Variants in GMPR observed in about 807,000 individuals in gnomAD.
GMPR encodes the protein guanosine monophosphate reductase.
A neutral mutation model predicts 38.4 loss-of-function variants in GMPR; 31 were observed. The observed-to-expected ratio is 0.81, with a 90% confidence interval of 0.61 to 1.09. The LOEUF (loss-of-function observed/expected upper bound fraction) is 1.09, where lower values mean the gene tolerates loss of function less well. GMPR is among the 50% of genes least tolerant of loss of function. GMPR has a pLI of 0.00. For missense variants in GMPR, 468 were observed against 453.7 expected (o/e 1.03, Z -0.29); for synonymous variants, 162 against 173.3 (o/e 0.93, Z 0.51).
intron 1 of GMPR, among the ~76,000 whole-genome samples, chr6:16,243,072 C>T (rs1237797794): frequency 1.3e-5 from 2 of 150,044 alleles, no homozygotes; most frequent in South Asian, 2.1e-4. Context: ...ATTTTGGGGG[C>T]GGGGGGGAGA....
intron 3 of GMPR, among the ~76,000 whole-genome samples, chr6:16,252,264 A>AT (rs1029619641): frequency 1.2e-4 from 18 of 151,312 alleles, no homozygotes; most frequent in South Asian, 2.1e-4. Context: ...AACTTCTTTT[A>AT]TTTTTTTTGT....
chr6:16,261,659 A>T (rs1759088040), intron 4 of GMPR, among the ~76,000 whole-genome samples: 1 of 152,010 alleles, frequency 6.6e-6, no homozygotes, highest in African/African-American at 2.4e-5. Flanking sequence ...GAGAGTTTAT[A>T]GGCTTTAAAA....
chr6:16,259,724 G>A (rs1265313326), intron 4 of GMPR, among the ~76,000 whole-genome samples: 1 of 151,978 alleles, frequency 6.6e-6, no homozygotes, highest in Non-Finnish European at 1.5e-5. Flanking sequence ...AATAAGAGAA[G>A]GAGAAAAACA....
chr6:16,267,049 C>T (rs889176387), intron 4 of GMPR, among the ~76,000 whole-genome samples: 9 of 151,258 alleles, frequency 6.0e-5, no homozygotes, highest in Middle Eastern at 3.3e-3. Flanking sequence ...AAAGGTGGCA[C>T]GTCGGACGTG....
chr6:16,265,641 A>ACTGTGTCTAGCTAAAGCAGCG (rs1169602073), intron 4 of GMPR, among the ~76,000 whole-genome samples: 9 of 145,766 alleles, frequency 6.2e-5, no homozygotes, highest in Non-Finnish European at 9.4e-5. Flanking sequence ...CTAAAGCAGC[A>ACTGTGTCTAGCTAAAGCAGCG]CTGTGTCTAG....
At chr6:16,290,419 G>A (rs748537419) in intron 7 of GMPR, 43 bp from the exon 8 acceptor site, 14 of 1,595,506 alleles carry the variant, frequency 8.8e-6, no homozygotes, top group Middle Eastern at 3.3e-4. Context: ...CCCCTGAGCT[G>A]TTTTCTCTGC....
chr6:16,266,028 G>A (rs1424097969), intron 4 of GMPR, among the ~76,000 whole-genome samples: 1 of 151,788 alleles, frequency 6.6e-6, no homozygotes, highest in Non-Finnish European at 1.5e-5. Context: ...TGGCTTCACT[G>A]CTGAAGTCAG....
intron 6 of GMPR, 132 bp downstream of exon 6, chr6:16,279,022 C>G: frequency 1.6e-6 from 1 of 622,890 alleles, no homozygotes. Context: ...CGCTGACATT[C>G]AGCAGAAACA....
At chr6:16,285,674 G>T in intron 6 of GMPR, 119 bp from the exon 7 acceptor site, 1 of 777,792 alleles carries the variant, frequency 1.3e-6, no homozygotes, top group Non-Finnish European at 2.2e-6. Context: ...TTGGGCCCGT[G>T]GGCTTGCTGG....
rs937060543 is a variant in GMPR at position 16,295,456 on chromosome 6, C to G, written c.*270C>G. The G allele has an allele frequency of 1.2e-4, 42 of 345,070 alleles. No individual in the cohort carries two copies. Among genetic ancestry groups the G allele is most frequent in the African/African-American group, 8.4e-4 (40 of 47,678 alleles). The allele number at this position is 345,070 out of a possible 1,614,324, so 21.4% of individuals were successfully genotyped here. ...TTCAAACCAACACTTGCACCTTTCT[C>G]TTTTTCTCTTTCTCTCTCCCTTTCT... On this transcript the variant is annotated 3_prime_UTR_variant, in exon 9 of 9. Transcript: ENST00000259727.
intron 4 of GMPR, among the ~76,000 whole-genome samples, chr6:16,266,377 T>A (rs1237048060): frequency 9.8e-6 from 1 of 102,212 alleles, no homozygotes; most frequent in Non-Finnish European, 1.9e-5. Context: ...GTGAAAAAGG[T>A]GGCACGTCGG....
At position 16,295,038 on chromosome 6, in the gene GMPR, A is replaced by T; in HGVS notation, c.890A>T (p.Tyr297Phe). ...ASEGKTVEVP[Y>F]KGDVENTILD... ...GAGGGTAAGACTGTGGAAGTTCCTT[A>T]CAAAGGAGATGTGGAAAACACTATC... is the stretch of plus-strand genomic sequence containing the variant. The change falls in exon 9 of 9, where the codon TAC becomes TTC. Residue 297 changes from tyrosine to phenylalanine, a missense_variant. Tyr to Phe is a conservative substitution (Grantham distance 22, BLOSUM62 3). Coordinates refer to ENST00000259727, the MANE Select transcript of GMPR (RefSeq NM_006877.4). The T allele has an allele frequency of 6.2e-7, 1 of 1,609,836 alleles. No homozygotes were observed. The highest frequency in any genetic ancestry group is 8.5e-7 in the Non-Finnish European group (1 of 1,178,260).
intron 7 of GMPR, among the ~76,000 whole-genome samples, chr6:16,288,531 C>T (rs1337928252): frequency 6.6e-6 from 1 of 152,252 alleles, no homozygotes; most frequent in Non-Finnish European, 1.5e-5. Flanking sequence ...CATGGCTGAG[C>T]TTCCCCGCCC....
chr6:16,239,360 C>T (rs74777004), intron 1 of GMPR, among the ~76,000 whole-genome samples: 13,954 of 152,100 alleles, frequency 0.092, 842 homozygotes, highest in African/African-American at 0.16. Context: ...CCAGCCTAGC[C>T]CTGGAGAAGA....
rs567579733 is a variant in GMPR at position 16,295,524 on chromosome 6, T to C, written c.*338T>C. On this transcript the variant is annotated 3_prime_UTR_variant, in exon 9 of 9. Transcript: ENST00000259727. ...TTAAAAGAAGATGGTTTCACTTTAA[T>C]ATAATGCTATTATCTTAAGACTTAA... 1 of 195,834 alleles carries C rather than the reference T, an allele frequency of 5.1e-6. No homozygotes were observed. The highest frequency in any genetic ancestry group is 6.0e-5 in the Admixed American group (1 of 16,544). 12.1% of individuals were successfully genotyped at this position (195,834 alleles called of 1,614,324 possible). A position where few individuals can be genotyped will look rare whatever the true frequency, so the allele number is the denominator to read the frequency against.
At chr6:16,250,191 G>A in intron 2 of GMPR, 93 bp from the exon 3 acceptor site, 1 of 770,032 alleles carries the variant, frequency 1.3e-6, no homozygotes, top group Non-Finnish European at 2.4e-6. Flanking sequence ...GAACACTGAT[G>A]CCTTTGTCTT....
At chr6:16,240,425 T>TTGGAAG (rs1561817032) in intron 1 of GMPR, among the ~76,000 whole-genome samples, 1 of 152,126 alleles carries the variant, frequency 6.6e-6, no homozygotes. Flanking sequence ...TCCCAGCTAT[T>TTGGAAG]TGGAAGGCTG....
Position 16,293,954 on chromosome 6 carries a change from CAT to C in GMPR, c.858-1051_858-1050del, listed in dbSNP as rs796510773. Among the ~76,000 whole-genome samples the C allele has an allele frequency of 1.1e-4, 17 of 152,298 alleles. 1 individual carries two copies. Among genetic ancestry groups the C allele is most frequent in the African/African-American group, 3.4e-4 (14 of 41,562 alleles). On this transcript the variant is annotated intron_variant, in intron 8 of 8. Transcript: ENST00000259727. ...TAATACACACATCTGGTAATATACA[CAT>C]GTGTAATATACACATATTCTGGTAA...
chr6:16,289,779 G>A (rs1001224903), intron 7 of GMPR, among the ~76,000 whole-genome samples: 4 of 151,126 alleles, frequency 2.6e-5, no homozygotes, highest in Admixed American at 6.6e-5. Context: ...AGACACCTGA[G>A]GGGGTATCAT....
Sources: gnomAD v4.1 joint callset for allele counts (sites outside exome capture counted in the v4.1 genomes callset) on GRCh38, gnomAD v4.1.1 for gene constraint, MANE v1.5 for transcripts, NCBI Gene and HGNC (gene_info 2026-07-23, HGNC 2026-07-21) for gene names.